DAB2IP: variants seen among roughly 807,000 people sequenced by gnomAD.
The protein encoded by DAB2IP is disabled homolog 2-interacting protein.
In DAB2IP, 28 loss-of-function variants were observed where a neutral mutation model predicts 107.2. The observed-to-expected ratio is 0.26, with a 90% CI of 0.19 to 0.36. DAB2IP has a LOEUF of 0.36. Among genes scored for constraint, DAB2IP ranks in the 10% least tolerant of loss-of-function variants. The pLI, the probability that DAB2IP is intolerant of heterozygous loss-of-function variation, is 1.00. For synonymous variants in DAB2IP, 755 were observed against 706.4 expected, an observed-to-expected ratio of 1.07 and a Z score of -1.09; for missense variants, 1,400 against 1,644.7, an observed-to-expected ratio of 0.85 and a Z score of 2.57.
rs59223844 is a variant in DAB2IP at position 121,642,488 on chromosome 9, CTTTTTTT to C, written c.41-36179_41-36173del. ...GAGCCACCACACCTGGCTTTTTTTT[CTTTTTTT>C]TTTTTTTTTTGTAGAGACAGGGTCT... On this transcript the variant is annotated intron_variant, in intron 1 of 16. Coordinates refer to the DAB2IP transcript ENST00000259371. 2.5e-4 allele frequency among the ~76,000 whole-genome samples: 33 copies of C among 131,180 alleles called. No individual in the cohort carries two copies. In the South Asian group the frequency reaches 2.8e-3, roughly 11 times the overall value. The allele number at this position is 131,180 out of a possible 152,430, so 86.1% of individuals were successfully genotyped here.
chr9:121,766,363 T>C, intron 8 of DAB2IP, 131 bp from the exon 9 acceptor site: 1 of 800,708 alleles, frequency 1.2e-6, no homozygotes, highest in South Asian at 1.7e-5. Flanking sequence ...TCCTCAGAGC[T>C]CAGACAGCGG....
At chr9:121,775,068 C>A (rs1387040868) in intron 13 of DAB2IP, among the ~76,000 whole-genome samples, 1 of 152,222 alleles carries the variant, frequency 6.6e-6, no homozygotes, top group African/African-American at 2.4e-5. Context: ...GGGGATGCTT[C>A]GTTGGTCTCC....
chr9:121,660,351 C>T (rs944341657), intron 1 of DAB2IP, among the ~76,000 whole-genome samples: 1 of 152,144 alleles, frequency 6.6e-6, no homozygotes, highest in Non-Finnish European at 1.5e-5. Context: ...GTGGCAGAGT[C>T]CAGGATGTTT....
intron 1 of DAB2IP, among the ~76,000 whole-genome samples, chr9:121,629,779 A>C (rs1589428171): frequency 6.6e-6 from 1 of 152,048 alleles, no homozygotes; most frequent in South Asian, 2.1e-4. Flanking sequence ...AGGTGGGTGG[A>C]GATGCAGGAC....
chr9:121,702,564 C>T lies in DAB2IP; in HGVS notation c.362+3106C>T, dbSNP rs1211343735. ...CACCAAGGACAGGTGATCATTTCTC[C>T]TGGGTAACAAACACATGCTGCTTGG... On this transcript the variant is annotated intron_variant, in intron 3 of 15. Coordinates refer to ENST00000408936, the Ensembl canonical transcript of DAB2IP. This position sits in a 1 kb window ranked among gnomAD's most constrained non-coding sequence, Gnocchi z 4.5. 6.6e-6 allele frequency among the ~76,000 whole-genome samples: 1 copy of T among 152,220 alleles called. No homozygotes were observed.
At chr9:121,676,555 C>G (rs1042531562) in intron 1 of DAB2IP, among the ~76,000 whole-genome samples, 1 of 152,192 alleles carries the variant, frequency 6.6e-6, no homozygotes, top group Non-Finnish European at 1.5e-5. Context: ...AGGCACCCCC[C>G]ACGCACCAGG....
intron 14 of DAB2IP, among the ~76,000 whole-genome samples, chr9:121,778,152 C>T (rs761008755): frequency 6.6e-6 from 1 of 152,186 alleles, no homozygotes; most frequent in Non-Finnish European, 1.5e-5. Context: ...TATTATAGTG[C>T]ACCGTTGCTG....
At chr9:121,744,066 T>C (rs928676420) in intron 3 of DAB2IP, among the ~76,000 whole-genome samples, 7 of 152,170 alleles carry the variant, frequency 4.6e-5, no homozygotes, top group African/African-American at 1.7e-4. Context: ...AACTGGGAAA[T>C]GCCAGGGACT....
chr9:121,607,207 T>C (rs1830913826), intron 1 of DAB2IP, among the ~76,000 whole-genome samples: 1 of 152,186 alleles, frequency 6.6e-6, no homozygotes, highest in Admixed American at 6.5e-5. Context: ...AAGACTCATC[T>C]TGGAGTGAGG....
chr9:121,754,121 G>A (rs1833315258), intron 3 of DAB2IP, among the ~76,000 whole-genome samples: 2 of 152,152 alleles, frequency 1.3e-5, no homozygotes, highest in South Asian at 4.1e-4. Context: ...GCCTTGAATT[G>A]GTCCTGCTGG....
chr9:121,769,589 C>T (rs1834548594), intron 10 of DAB2IP, among the ~76,000 whole-genome samples: 1 of 152,162 alleles, frequency 6.6e-6, no homozygotes, highest in African/African-American at 2.4e-5. Flanking sequence ...TTAGTCCTGA[C>T]TTTTCACTAG....
intron 8 of DAB2IP, among the ~76,000 whole-genome samples, chr9:121,764,840 G>C (rs1422428040): frequency 1.3e-5 from 2 of 152,200 alleles, no homozygotes; most frequent in East Asian, 3.9e-4. Flanking sequence ...GGTACCCTCT[G>C]TCGCAGCCCT....
In DAB2IP at chr9:121,760,548, G is replaced by A. The variant is rs1833814373; in HGVS notation, c.1170+109G>A. ...GCCTAACAGAGGCCTTGGAGGCACC[G>A]GTCACTACCAGAAGGGCTCCCTAAA... On this transcript the variant is annotated intron_variant, in intron 6 of 15. Transcript: ENST00000408936. This position sits in a 1 kb window ranked among gnomAD's most constrained non-coding sequence, Gnocchi z 5.9. 5 of 1,342,184 alleles carry A rather than the reference G, an allele frequency of 3.7e-6. No individual in the cohort carries two copies. The highest frequency in any genetic ancestry group is 1.5e-5 in the South Asian group (1 of 65,252). The allele number at this position is 1,342,184 out of a possible 1,614,324, so 83.1% of individuals were successfully genotyped here.
intron 1 of DAB2IP, among the ~76,000 whole-genome samples, chr9:121,639,467 C>T (rs1832203883): frequency 6.6e-6 from 1 of 152,288 alleles, no homozygotes; most frequent in African/African-American, 2.4e-5. Flanking sequence ...TTAATCAGCC[C>T]AGGACCTGCT....
rs577413423 is a variant in DAB2IP, at chr9:121,734,173, C to T, written c.363-22840C>T. Among the ~76,000 whole-genome samples, 11 of 140,458 alleles carry T rather than the reference C, an allele frequency of 7.8e-5. No homozygotes were observed. In the East Asian group the frequency reaches 1.8e-3, roughly 22 times the overall value. The allele number at this position is 140,458 out of a possible 152,430, so 92.1% of individuals were successfully genotyped here. On this transcript the variant is annotated intron_variant, in intron 3 of 15. Transcript: ENST00000408936. ...CGGGTGGATCACGAGGTCAGGAGAT[C>T]GAGACCATCCTGGCTAACAAGGTGA...
intron 1 of DAB2IP, among the ~76,000 whole-genome samples, chr9:121,631,005 G>C (rs1219766696): frequency 6.6e-6 from 1 of 152,254 alleles, no homozygotes; most frequent in African/African-American, 2.4e-5. Context: ...AAGGGCTCCT[G>C]CTGAGGCCCA....
At chr9:121,588,595 AGG>A (rs1364564598) in intron 1 of DAB2IP, among the ~76,000 whole-genome samples, 6 of 25,256 alleles carry the variant, frequency 2.4e-4, no homozygotes, top group Admixed American at 4.9e-4. Flanking sequence ...GGAAGGGGGA[AGG>A]GGGAATGGGG....
intron 3 of DAB2IP, among the ~76,000 whole-genome samples, chr9:121,743,641 C>G (rs1386638926): frequency 1.3e-5 from 2 of 152,178 alleles, no homozygotes; most frequent in African/African-American, 4.8e-5. Context: ...CCGGGGCCAG[C>G]CAGGAGCAGC....
chr9:121,706,831 C>T (rs923798008), intron 3 of DAB2IP, among the ~76,000 whole-genome samples: 4 of 152,340 alleles, frequency 2.6e-5, no homozygotes, highest in Non-Finnish European at 5.9e-5. Flanking sequence ...CACACATGCA[C>T]GTCCTTGTGG....
Sources: gnomAD v4.1 joint callset for allele counts (sites outside exome capture counted in the v4.1 genomes callset) on GRCh38, gnomAD v4.1.1 for gene constraint, Gnocchi (gnomAD v3.1) non-coding constraint, MANE v1.5 for transcripts, NCBI Gene and HGNC (gene_info 2026-07-23, HGNC 2026-07-21) for gene names.